EFCAB6: variants seen among roughly 807,000 people sequenced by gnomAD.
EFCAB6 encodes the protein EF-hand calcium-binding domain-containing protein 6.
In EFCAB6, 156 loss-of-function variants were observed where a neutral mutation model predicts 169.8. The ratio of observed to expected loss-of-function variants is 0.92; its 90% CI spans 0.81 to 1.05. The LOEUF is 1.05. Ranked by LOEUF, EFCAB6 falls within the 50% of genes least tolerant of loss-of-function variation. EFCAB6 has a pLI of 0.00. For missense variants in EFCAB6, 1,800 were observed against 1,829.1 expected (o/e 0.98, Z 0.29); for synonymous variants, 698 against 676.4 (o/e 1.03, Z -0.50).
Position 43,615,915 on chromosome 22 carries a change from G to A in EFCAB6, c.2473C>T (p.Gln825Ter), listed in dbSNP as rs1412029663. Residue 825 changes from glutamine (Q) to a stop codon, truncating the protein, a stop_gained, in exon 21 of 32, where the codon CAG (glutamine) becomes TAG (stop). Transcript: ENST00000262726. LOFTEE classifies it high-confidence loss of function. ...EAPQRLIRPKQKVADSELACE... is the reference protein window; with the variant it reads ...EAPQRLIRPK The stretch of plus-strand genomic sequence containing the variant: ...GCTAGTTCTGAATCCGCAACCTTCT[G>A]TTTTGGTCTTAAAAGAAAAAAAATA... The A allele has an allele frequency of 6.2e-7, 1 of 1,612,382 alleles. No individual in the cohort carries two copies. The highest frequency in any genetic ancestry group is 8.5e-7 in the Non-Finnish European group (1 of 1,179,544).
chr22:43,618,125 AAAG>A (rs531189660), intron 20 of EFCAB6, among the ~76,000 whole-genome samples: 201 of 125,088 alleles, frequency 1.6e-3, no homozygotes, highest in African/African-American at 6.0e-3. Context: ...CAAAAAAAAA[AAAG>A]AAAGAGACAG....
chr22:43,799,062 C>A (rs1360681363), intron 2 of EFCAB6, among the ~76,000 whole-genome samples: 1 of 152,214 alleles, frequency 6.6e-6, no homozygotes, highest in African/African-American at 2.4e-5. Context: ...GTGGCTCACA[C>A]CTTTAACCCC....
At position 43,579,363 on chromosome 22, in the gene EFCAB6, C is replaced by T. The variant is rs1464823404; in HGVS notation, c.3228+1101G>A. Among the ~76,000 whole-genome samples, 4 of 151,204 alleles carry T rather than the reference C, an allele frequency of 2.6e-5. No homozygotes were observed. In the East Asian group the frequency reaches 5.9e-4, roughly 22 times the overall value. ...CCCTACACGCAGGTATCATTCCCTA[C>T]ACATAGGCATCATTCCCTACACGCA... On this transcript the variant is annotated intron_variant, in intron 25 of 31. Transcript: ENST00000262726.
intron 12 of EFCAB6, among the ~76,000 whole-genome samples, chr22:43,679,524 A>G (rs1213789070): frequency 3.9e-5 from 6 of 152,180 alleles, no homozygotes; most frequent in African/African-American, 1.2e-4. Context: ...GCTGGGTTCT[A>G]TAAGTCACAT....
At chr22:43,614,198 A>G (rs1454310005) in intron 21 of EFCAB6, among the ~76,000 whole-genome samples, 1 of 151,506 alleles carries the variant, frequency 6.6e-6, no homozygotes, top group Non-Finnish European at 1.5e-5. Context: ...AAAAAAGAAC[A>G]AACTTGGAGA....
chr22:43,737,917 C>T (rs1332037066), intron 6 of EFCAB6, among the ~76,000 whole-genome samples: 1 of 151,012 alleles, frequency 6.6e-6, no homozygotes, highest in Non-Finnish European at 1.5e-5. Flanking sequence ...ATATCACACA[C>T]ATGCATATAC....
chr22:43,748,159 A>G (rs1041687269), intron 6 of EFCAB6, among the ~76,000 whole-genome samples: 1 of 152,212 alleles, frequency 6.6e-6, no homozygotes, highest in Non-Finnish European at 1.5e-5. Context: ...GCCTGACTCC[A>G]GTTGCTTTCC....
At chr22:43,743,884 GTGAGTGGATGGATGGA>G (rs2060459562) in intron 6 of EFCAB6, among the ~76,000 whole-genome samples, 1 of 151,288 alleles carries the variant, frequency 6.6e-6, no homozygotes, top group Non-Finnish European at 1.5e-5. Flanking sequence ...GGATGGGTGG[GTGAGTGGATGGATGGA>G]TGGGTGGGTG....
At chr22:43,600,757 A>G (rs2052455284) in intron 22 of EFCAB6, among the ~76,000 whole-genome samples, 1 of 152,088 alleles carries the variant, frequency 6.6e-6, no homozygotes. Context: ...TCTGTCTCCA[A>G]GGCTCAAGTG....
intron 10 of EFCAB6, among the ~76,000 whole-genome samples, chr22:43,708,089 T>TAA (rs137824): frequency 1.5e-4 from 17 of 115,510 alleles, no homozygotes; most frequent in East Asian, 1.1e-3. Context: ...TAAAGAAAAC[T>TAA]AAAAAAAAAA....
At chr22:43,808,261 T>C (rs1015431305) in intron 2 of EFCAB6, among the ~76,000 whole-genome samples, 14 of 152,224 alleles carry the variant, frequency 9.2e-5, no homozygotes, top group African/African-American at 3.4e-4. Context: ...ATGCAAATAC[T>C]ACACCATTTT....
At chr22:43,732,464 AC>A (rs2019913953) in intron 7 of EFCAB6, among the ~76,000 whole-genome samples, 1 of 117,016 alleles carries the variant, frequency 8.5e-6, no homozygotes, top group Non-Finnish European at 1.7e-5. Flanking sequence ...ATACTGAAAT[AC>A]TTTTTTTTTT....
At chr22:43,569,899 A>G (rs998720977) in intron 26 of EFCAB6, among the ~76,000 whole-genome samples, 2 of 152,248 alleles carry the variant, frequency 1.3e-5, no homozygotes, top group African/African-American at 4.8e-5. Flanking sequence ...AATTTACTTA[A>G]TTTATTTACA....
rs559062680 is a variant in EFCAB6 at position 43,700,572 on chromosome 22, C to T, written c.1031+10903G>A. 5.9e-5 allele frequency among the ~76,000 whole-genome samples: 9 copies of T among 152,306 alleles called. No homozygotes were observed. The South Asian group carries it at 1.0e-3, about 18-fold the overall frequency. The stretch of plus-strand genomic sequence containing the variant: ...GTAGATTCATGCAGATTCCCACACT[C>T]GGGAGACAGAATGACAGAACGGTCC... On this transcript the variant is annotated intron_variant, in intron 10 of 31. Coordinates refer to ENST00000262726, the MANE Select transcript of EFCAB6 (RefSeq NM_022785.4).
intron 23 of EFCAB6, among the ~76,000 whole-genome samples, chr22:43,597,279 C>T (rs2052086428): frequency 6.6e-6 from 1 of 152,140 alleles, no homozygotes; most frequent in African/African-American, 2.4e-5. Flanking sequence ...AAAGCTACTG[C>T]ACCATGAAGG....
intron 5 of EFCAB6, among the ~76,000 whole-genome samples, chr22:43,757,513 C>A (rs920198271): frequency 1.3e-5 from 2 of 152,198 alleles, no homozygotes; most frequent in African/African-American, 4.8e-5. Context: ...CACCGTTGCA[C>A]TCCAACCCGG....
At chr22:43,649,860 A>G (rs1052198862) in intron 17 of EFCAB6, among the ~76,000 whole-genome samples, 4 of 152,224 alleles carry the variant, frequency 2.6e-5, no homozygotes, top group African/African-American at 9.6e-5. Flanking sequence ...CAAGGGGCTC[A>G]GGACTGGGGC....
intron 3 of EFCAB6, among the ~76,000 whole-genome samples, chr22:43,775,109 G>A (rs2061597602): frequency 6.6e-6 from 1 of 152,000 alleles, no homozygotes; most frequent in Non-Finnish European, 1.5e-5. Flanking sequence ...AGGTCAAGCG[G>A]GGAGGTCTAC....
chr22:43,545,197 G>C (rs1207967133), intron 27 of EFCAB6, among the ~76,000 whole-genome samples: 2 of 152,110 alleles, frequency 1.3e-5, no homozygotes, highest in Non-Finnish European at 2.9e-5. Context: ...CATGAAAACA[G>C]ACATGATTAT....
Sources: gnomAD v4.1 joint callset for allele counts (sites outside exome capture counted in the v4.1 genomes callset) on GRCh38, gnomAD v4.1.1 for gene constraint, MANE v1.5 for transcripts, NCBI Gene and HGNC (gene_info 2026-07-23, HGNC 2026-07-21) for gene names.